The following CUBN variants were observed in gnomAD, a reference collection of about 807,000 sequenced individuals.
The protein encoded by CUBN is 460 kDa receptor.
A neutral mutation model predicts 405.3 loss-of-function variants in CUBN; 282 were observed. The ratio of observed to expected loss-of-function variants is 0.70; its 90% confidence interval spans 0.63 to 0.77. The LOEUF (loss-of-function observed/expected upper bound fraction) is 0.77, where lower values mean the gene tolerates loss of function less well. Among genes scored for constraint, CUBN ranks in the 30% least tolerant of loss-of-function variants. The probability of loss-of-function intolerance (pLI) is 0.00; values close to 1 mark genes in which losing one functional copy is unlikely to be tolerated. For missense variants in CUBN, 4,514 were observed against 4,475.2 expected (o/e 1.01, Z -0.25); for synonymous variants, 1,684 against 1,617.0 (o/e 1.04, Z -0.99).
In CUBN at chr10:16,918,225, T is replaced by C. The variant is rs112641040; in HGVS notation, c.7000+397A>G. 2.2e-3 allele frequency among the ~76,000 whole-genome samples: 336 copies of C among 152,320 alleles called. 1 individual carries two copies. Among genetic ancestry groups the C allele is most frequent in the African/African-American group, 7.5e-3 (310 of 41,574 alleles). ...TAGTATAGTTTCAAGTCAGGTATTGTGATGCCCCTAGCTTTGTTCTTTTTG... is the reference window on the plus strand; with the variant it reads ...TAGTATAGTTTCAAGTCAGGTATTGCGATGCCCCTAGCTTTGTTCTTTTTG... On this transcript the variant is annotated intron_variant, in intron 45 of 66. Coordinates refer to ENST00000377833, the MANE Select transcript of CUBN (RefSeq NM_001081.4).
intron 22 of CUBN, among the ~76,000 whole-genome samples, chr10:17,048,968 A>C (rs1835199694): frequency 6.6e-6 from 1 of 152,240 alleles, no homozygotes; most frequent in East Asian, 1.9e-4. Context: ...ACTCTATTTT[A>C]AACAGCAAGC....
At chr10:16,975,689 G>GA (rs1833072468) in intron 31 of CUBN, among the ~76,000 whole-genome samples, 1 of 141,464 alleles carries the variant, frequency 7.1e-6, no homozygotes, top group Admixed American at 7.9e-5. Context: ...GGAGTGCAGT[G>GA]GTGCAATCTT....
intron 31 of CUBN, among the ~76,000 whole-genome samples, chr10:16,979,010 C>G (rs1478576223): frequency 2.6e-5 from 4 of 152,222 alleles, no homozygotes; most frequent in Non-Finnish European, 5.9e-5. Context: ...GACACAAAAT[C>G]AATGTGCAAA....
chr10:17,068,001 CT>C, intron 21 of CUBN, 62 bp downstream of exon 21: 1 of 1,356,106 alleles, frequency 7.4e-7, no homozygotes, highest in Non-Finnish European at 1.1e-6. Context: ...TTTTAAGATC[CT>C]TCACTGAAGC....
At position 17,088,296 on chromosome 10, in the gene CUBN, C is replaced by T; in HGVS notation, c.1815G>A (p.Gly605=). The change falls in exon 15 of 67, where the codon GGG becomes GGA. Residue 605 remains glycine (G), a synonymous_variant. Transcript: ENST00000377833. ...TTCCTGGGGGATAGTTTCCAGGATA[C>T]CCCGGAGACTTAATAGAACCGTAAG... ...TGPYGSIKSP[G]YPGNYPPGRD... 1.2e-6 allele frequency: 2 copies of T among 1,613,336 alleles called. No homozygotes were observed. The highest frequency in any genetic ancestry group is 1.7e-6 in the Non-Finnish European group (2 of 1,179,360).
chr10:17,085,693 G>A lies in CUBN; in HGVS notation c.2014C>T (p.Pro672Ser). The A allele has an allele frequency of 6.2e-7, 1 of 1,614,016 alleles. No individual in the cohort carries two copies. The highest frequency in any genetic ancestry group is 1.7e-4 in the Middle Eastern group (1 of 6,054). ...GKFCTTFSVP[P>S]LQTTGPFARI... ...GCAAAGGGGCCAGTAGTCTGGAGCG[G>A]TGGGACAGAGAAAGTGGTGCAGAAC... The change falls in exon 16 of 67, where the codon CCG becomes TCG. Residue 672 changes from proline to serine, a missense_variant. Transcript: ENST00000377833.
chr10:16,871,118 C>T (rs1231210410), intron 58 of CUBN, among the ~76,000 whole-genome samples: 1 of 151,820 alleles, frequency 6.6e-6, no homozygotes, highest in Non-Finnish European at 1.5e-5. Context: ...ACCTCTGCCT[C>T]CCTGGTTCAA....
intron 59 of CUBN, among the ~76,000 whole-genome samples, chr10:16,867,867 C>T (rs1366896855): frequency 6.6e-6 from 1 of 152,104 alleles, no homozygotes; most frequent in Non-Finnish European, 1.5e-5. Context: ...CCCTGGCTCA[C>T]TTGAGAAGCT....
chr10:16,884,956 G>C (rs1244797973), intron 56 of CUBN, among the ~76,000 whole-genome samples: 1 of 152,150 alleles, frequency 6.6e-6, no homozygotes, highest in East Asian at 1.9e-4. Context: ...CTCAGAAACA[G>C]TTCCAAGTGC....
intron 31 of CUBN, among the ~76,000 whole-genome samples, chr10:16,961,989 G>A (rs971858427): frequency 6.6e-6 from 1 of 152,152 alleles, no homozygotes; most frequent in Non-Finnish European, 1.5e-5. Context: ...TGGGATTACA[G>A]GCGTGAGCCA....
At chr10:17,091,520 TAATA>T (rs1274147341) in intron 14 of CUBN, among the ~76,000 whole-genome samples, 1 of 152,102 alleles carries the variant, frequency 6.6e-6, no homozygotes, top group Non-Finnish European at 1.5e-5. Context: ...GAACTTCAAA[TAATA>T]AATAAATAAA....
At chr10:17,107,263 T>G (rs994636172) in intron 10 of CUBN, among the ~76,000 whole-genome samples, 4 of 152,166 alleles carry the variant, frequency 2.6e-5, no homozygotes, top group Non-Finnish European at 4.4e-5. Flanking sequence ...TTTTCCAGAT[T>G]TCTCACTTAA....
At chr10:17,123,551 C>T (rs1485934342) in intron 5 of CUBN, 37 bp downstream of exon 5, 1 of 1,439,800 alleles carries the variant, frequency 6.9e-7, no homozygotes, top group African/African-American at 1.4e-5. Flanking sequence ...CAGATGCTGA[C>T]CTGCCATCAT....
At chr10:16,879,234 C>T (rs937718733) in intron 56 of CUBN, among the ~76,000 whole-genome samples, 2 of 152,194 alleles carry the variant, frequency 1.3e-5, no homozygotes, top group African/African-American at 4.8e-5. Flanking sequence ...TTGACATTGT[C>T]AGTCTTTTTA....
chr10:17,041,379 GAC>G (rs926365154), intron 26 of CUBN, among the ~76,000 whole-genome samples, 159 bp from the exon 27 acceptor site: 6 of 151,676 alleles, frequency 4.0e-5, no homozygotes, highest in Middle Eastern at 3.4e-3. Flanking sequence ...CACACACAGA[GAC>G]ACACACACAT....
intron 49 of CUBN, among the ~76,000 whole-genome samples, chr10:16,906,777 T>C (rs557434192): frequency 1.6e-4 from 25 of 152,206 alleles, no homozygotes; most frequent in Admixed American, 5.2e-4. Flanking sequence ...CTCCACTTGA[T>C]CTAATAAATT....
chr10:16,967,991 A>AAG (rs3047254), intron 31 of CUBN, among the ~76,000 whole-genome samples: 6 of 145,224 alleles, frequency 4.1e-5, no homozygotes, highest in South Asian at 2.2e-4. Context: ...GAGAGAGGAA[A>AAG]AGAGAGAGAG....
intron 56 of CUBN, among the ~76,000 whole-genome samples, chr10:16,885,463 TACAC>T (rs1840785918): frequency 1.3e-5 from 2 of 152,204 alleles, no homozygotes; most frequent in East Asian, 1.9e-4. Context: ...GACACACACA[TACAC>T]ACATATATAG....
intron 9 of CUBN, among the ~76,000 whole-genome samples, chr10:17,110,649 T>G (rs746685914): frequency 1.1e-4 from 16 of 152,134 alleles, no homozygotes; most frequent in Non-Finnish European, 1.6e-4. Flanking sequence ...TGCCTCAGCC[T>G]CCCGAGTAGC....
Sources: gnomAD v4.1 joint callset for allele counts (sites outside exome capture counted in the v4.1 genomes callset) on GRCh38, gnomAD v4.1.1 for gene constraint, MANE v1.5 for transcripts, NCBI Gene and HGNC (gene_info 2026-07-23, HGNC 2026-07-21) for gene names.